Variants in GABBR2 observed in about 807,000 individuals in gnomAD.
The protein encoded by GABBR2 is G-protein coupled receptor 51.
In GABBR2, 23 loss-of-function variants were observed where a neutral mutation model predicts 105.6. The ratio of observed to expected loss-of-function variants is 0.22; its 90% CI spans 0.16 to 0.31. GABBR2 has a LOEUF of 0.31. Among genes scored for constraint, GABBR2 ranks in the 10% least tolerant of loss-of-function variants. The pLI is 1.00. For synonymous variants in GABBR2, 478 were observed against 499.7 expected, an observed-to-expected ratio of 0.96 and a Z score of 0.58; for missense variants, 734 against 1,245.5, an observed-to-expected ratio of 0.59 and a Z score of 6.18.
chr9:98,346,207 C>T (rs975983709), intron 13 of GABBR2, among the ~76,000 whole-genome samples: 1 of 152,188 alleles, frequency 6.6e-6, no homozygotes, highest in African/African-American at 2.4e-5. Context: ...TTGTATCATG[C>T]AATGCTGTTT....
chr9:98,494,972 G>A (rs1438730662), intron 4 of GABBR2, among the ~76,000 whole-genome samples: 2 of 152,242 alleles, frequency 1.3e-5, no homozygotes, highest in African/African-American at 4.8e-5. Flanking sequence ...GCAGGAGAAT[G>A]TCAGCGCAGC....
At chr9:98,687,600 G>C (rs1830635485) in intron 1 of GABBR2, among the ~76,000 whole-genome samples, 1 of 152,108 alleles carries the variant, frequency 6.6e-6, no homozygotes, top group Non-Finnish European at 1.5e-5. Context: ...GCTGTTTCCT[G>C]CCTGCTCTGG....
chr9:98,335,976 C>G (rs1831108056), intron 13 of GABBR2, among the ~76,000 whole-genome samples: 1 of 152,124 alleles, frequency 6.6e-6, no homozygotes, highest in Non-Finnish European at 1.5e-5. Context: ...AGTTAAGGGC[C>G]CTGTTTCATG....
At chr9:98,447,816 G>A (rs1400913146) in intron 7 of GABBR2, among the ~76,000 whole-genome samples, 2 of 151,462 alleles carry the variant, frequency 1.3e-5, no homozygotes, top group Non-Finnish European at 2.9e-5. Context: ...GGTAGGGTGG[G>A]TGGTGGGGTG....
intron 1 of GABBR2, among the ~76,000 whole-genome samples, chr9:98,588,113 C>T (rs1411368958): frequency 6.6e-6 from 1 of 152,182 alleles, no homozygotes; most frequent in Non-Finnish European, 1.5e-5. Flanking sequence ...AAGCTTTCCA[C>T]ACCCAGGGTG....
intron 3 of GABBR2, among the ~76,000 whole-genome samples, chr9:98,533,618 T>C (rs939061501): frequency 1.3e-5 from 2 of 152,168 alleles, no homozygotes; most frequent in African/African-American, 4.8e-5. Flanking sequence ...CTCTCATTCA[T>C]CATCTCATCT....
At chr9:98,391,752 G>A (rs561845163) in intron 9 of GABBR2, among the ~76,000 whole-genome samples, 1 of 152,174 alleles carries the variant, frequency 6.6e-6, no homozygotes, top group Non-Finnish European at 1.5e-5. Context: ...ACAGAGAAGC[G>A]AGGAGGGGTC....
chr9:98,563,413 T>TACGG (rs1325379169), intron 2 of GABBR2, among the ~76,000 whole-genome samples: 1 of 152,174 alleles, frequency 6.6e-6, no homozygotes, highest in East Asian at 1.9e-4. Flanking sequence ...GGTTACCGGT[T>TACGG]ACGGACGCAT....
At chr9:98,303,165 C>G (rs995859641) in intron 16 of GABBR2, 76 bp downstream of exon 16, 3 of 1,223,294 alleles carry the variant, frequency 2.5e-6, no homozygotes, top group Non-Finnish European at 3.5e-6. Context: ...TCTAGAGGAG[C>G]CTGAGAGTCC....
chr9:98,371,482 A>G lies in GABBR2; in HGVS notation c.1752T>C (p.Asn584=). ...TGATTACCTTCTTCTTCATTTTCAC[A>G]TTTTTGAAGATGGCGTGGACTCTCC... is the stretch of plus-strand genomic sequence containing the variant. ...KTWRVHAIFK[N]VKMKKKIIKD... is the part of the protein sequence containing the mutation. The change falls in exon 12 of 19, where the codon AAT becomes AAC. Residue 584 remains asparagine (N), a synonymous_variant. Coordinates refer to ENST00000259455, the MANE Select transcript of GABBR2 (RefSeq NM_005458.8). 6.3e-7 allele frequency: 1 copy of G among 1,592,594 alleles called. No individual in the cohort carries two copies. Among genetic ancestry groups the G allele is most frequent in the Non-Finnish European group, 8.6e-7 (1 of 1,160,438 alleles).
At chr9:98,392,746 T>C (rs569847625) in intron 9 of GABBR2, among the ~76,000 whole-genome samples, 5 of 152,324 alleles carry the variant, frequency 3.3e-5, no homozygotes, top group African/African-American at 1.2e-4. Context: ...ACAATATGGA[T>C]GTGGCAGCTT....
At chr9:98,620,339 G>A (rs1452879287) in intron 1 of GABBR2, among the ~76,000 whole-genome samples, 3 of 150,942 alleles carry the variant, frequency 2.0e-5, no homozygotes, top group African/African-American at 7.3e-5. Flanking sequence ...TAATATCAGG[G>A]ATTATCACCT....
At chr9:98,360,683 G>A (rs1363464573) in intron 13 of GABBR2, among the ~76,000 whole-genome samples, 1 of 152,198 alleles carries the variant, frequency 6.6e-6, no homozygotes, top group East Asian at 1.9e-4. Flanking sequence ...CAGAATAGAA[G>A]GAAGGCAGGT....
At chr9:98,377,069 G>A (rs571083674) in intron 11 of GABBR2, among the ~76,000 whole-genome samples, 9 of 152,244 alleles carry the variant, frequency 5.9e-5, no homozygotes, top group East Asian at 1.9e-4. Flanking sequence ...TGCAGAAAGT[G>A]CACAACTGCC....
At chr9:98,385,985 G>A (rs775859654) in intron 10 of GABBR2, among the ~76,000 whole-genome samples, 6 of 152,154 alleles carry the variant, frequency 3.9e-5, no homozygotes, top group Non-Finnish European at 5.9e-5. Flanking sequence ...TGCTCACTCT[G>A]GAACCTTCCC....
At chr9:98,542,191 A>G (rs778694029) in intron 2 of GABBR2, 148 bp from the exon 3 acceptor site, 3 of 657,714 alleles carry the variant, frequency 4.6e-6, no homozygotes, top group Non-Finnish European at 7.5e-6. Context: ...TTATTGTAAG[A>G]GTAACATATC....
intron 1 of GABBR2, among the ~76,000 whole-genome samples, chr9:98,702,143 C>T (rs1446248801): frequency 6.6e-6 from 1 of 152,046 alleles, no homozygotes; most frequent in Non-Finnish European, 1.5e-5. Context: ...GGATACAAAC[C>T]CAGGTCTCCT....
intron 1 of GABBR2, among the ~76,000 whole-genome samples, chr9:98,622,479 T>C (rs1030830026): frequency 6.6e-6 from 1 of 151,534 alleles, no homozygotes; most frequent in Non-Finnish European, 1.5e-5. Context: ...CCAGTCATGA[T>C]AGAAAAGAAG....
At chr9:98,685,681 T>C (rs337527) in intron 1 of GABBR2, among the ~76,000 whole-genome samples, 6,786 of 152,316 alleles carry the variant, frequency 0.045, 536 homozygotes, top group East Asian at 0.32. Flanking sequence ...GATTAAACTA[T>C]AGTTTTTGAT....
Sources: gnomAD v4.1 joint callset for allele counts (sites outside exome capture counted in the v4.1 genomes callset) on GRCh38, gnomAD v4.1.1 for gene constraint, MANE v1.5 for transcripts, NCBI Gene and HGNC (gene_info 2026-07-23, HGNC 2026-07-21) for gene names.